Variants in MTMR7 observed in about 807,000 individuals in gnomAD.
The protein encoded by MTMR7 is myotubularin related protein 7, also known as phosphatidylinositol-3-phosphate phosphatase MTMR7.
Under a neutral mutation model 81.2 loss-of-function variants are expected in MTMR7, and 76 were observed. That is an observed-to-expected ratio of 0.94 (90% CI 0.78 to 1.13). The LOEUF is 1.13. Ranked by LOEUF, MTMR7 falls within the 50% of genes most tolerant of loss-of-function variation. MTMR7 has a pLI of 0.00. For synonymous variants in MTMR7, 372 were observed against 289.8 expected, an observed-to-expected ratio of 1.28 and a Z score of -2.88; for missense variants, 1,044 against 820.0, an observed-to-expected ratio of 1.27 and a Z score of -3.34.
chr8:17,305,644 TAGGTATGTGACTAAATG>T, intron 11 of MTMR7, 96 bp downstream of exon 11: 1 of 825,422 alleles, frequency 1.2e-6, no homozygotes, highest in Non-Finnish European at 1.9e-6. Context: ...TCTGTCAGTA[TAGGTATGTGACTAAATG>T]AAAAAAGTCT....
intron 3 of MTMR7, among the ~76,000 whole-genome samples, 184 bp downstream of exon 3, chr8:17,370,853 G>A (rs1020171801): frequency 3.3e-5 from 5 of 151,820 alleles, no homozygotes; most frequent in Non-Finnish European, 7.4e-5. Flanking sequence ...ATAACTCGGG[G>A]GAGACTCTAA....
At chr8:17,346,906 A>AG (rs1451609638) in intron 5 of MTMR7, among the ~76,000 whole-genome samples, 2 of 150,726 alleles carry the variant, frequency 1.3e-5, no homozygotes, top group African/African-American at 4.9e-5. Flanking sequence ...AAAAAAAAAA[A>AG]AAAAGAGGCA....
At chr8:17,341,882 T>C (rs1418524141) in intron 5 of MTMR7, among the ~76,000 whole-genome samples, 2 of 152,062 alleles carry the variant, frequency 1.3e-5, no homozygotes. Context: ...AATGGTGACA[T>C]TAATAAAATA....
At chr8:17,392,080 CAA>C (rs2150578253) in intron 1 of MTMR7, among the ~76,000 whole-genome samples, 1 of 152,214 alleles carries the variant, frequency 6.6e-6, no homozygotes, top group African/African-American at 2.4e-5. Flanking sequence ...ATCACACGGA[CAA>C]AGTCACGGAA....
chr8:17,391,231 T>C (rs984176370), intron 1 of MTMR7, among the ~76,000 whole-genome samples: 7 of 152,094 alleles, frequency 4.6e-5, no homozygotes, highest in South Asian at 2.1e-4. Flanking sequence ...GGGACAACGT[T>C]ATGACTTTGA....
chr8:17,339,321 G>C (rs906178523), intron 6 of MTMR7, among the ~76,000 whole-genome samples: 5 of 151,928 alleles, frequency 3.3e-5, no homozygotes, highest in African/African-American at 1.2e-4. Context: ...CGACTCAATG[G>C]TGTTTGGTAT....
intron 10 of MTMR7, among the ~76,000 whole-genome samples, chr8:17,308,175 CA>C (rs998826973): frequency 4.5e-4 from 66 of 145,362 alleles, no homozygotes; most frequent in Middle Eastern, 3.4e-3. Flanking sequence ...TACTGCAAAT[CA>C]AAAAAAAAAG....
At chr8:17,334,529 G>A (rs1461694139) in intron 6 of MTMR7, among the ~76,000 whole-genome samples, 1 of 152,198 alleles carries the variant, frequency 6.6e-6, no homozygotes, top group Non-Finnish European at 1.5e-5. Flanking sequence ...AAGTAGGACT[G>A]CAAAAATACC....
At chr8:17,330,379 T>C (rs1818934861) in intron 7 of MTMR7, among the ~76,000 whole-genome samples, 1 of 152,204 alleles carries the variant, frequency 6.6e-6, no homozygotes, top group African/African-American at 2.4e-5. Flanking sequence ...CACAAGGCCA[T>C]GGTTTCTGCA....
At chr8:17,337,740 C>A (rs1458706280) in intron 6 of MTMR7, among the ~76,000 whole-genome samples, 2 of 152,168 alleles carry the variant, frequency 1.3e-5, no homozygotes, top group African/African-American at 4.8e-5. Context: ...CTCAGCCTCC[C>A]AAATAGCTGG....
rs1364599461 is a variant in MTMR7, at chr8:17,299,361, A to G, written c.*501T>C. ...TTAAAAGCTCCTTAGGAATGCATCT[A>G]TTAACTAAAAAGGGTGCATCTCACC... is the stretch of plus-strand genomic sequence containing the variant. On this transcript the variant is annotated 3_prime_UTR_variant, in exon 14 of 14. Coordinates refer to ENST00000180173, the MANE Select transcript of MTMR7 (RefSeq NM_004686.5). The G allele has an allele frequency of 1.3e-5, 2 of 153,414 alleles. No homozygotes were observed. The highest frequency in any genetic ancestry group is 2.0e-4 in the South Asian group (1 of 4,894). 9.5% of individuals were successfully genotyped at this position (153,414 alleles called of 1,614,324 possible). A position where few individuals can be genotyped will look rare whatever the true frequency, so the allele number is the denominator to read the frequency against.
intron 5 of MTMR7, among the ~76,000 whole-genome samples, chr8:17,342,463 G>A (rs532321026): frequency 3.9e-5 from 6 of 152,276 alleles, no homozygotes; most frequent in Middle Eastern, 3.4e-3. Flanking sequence ...CCTGTTCAGC[G>A]TGCTTGTATT....
intron 11 of MTMR7, among the ~76,000 whole-genome samples, chr8:17,305,522 T>C (rs1817390293): frequency 6.6e-6 from 1 of 152,168 alleles, no homozygotes; most frequent in Admixed American, 6.5e-5. Context: ...ATCAAGTCTG[T>C]CAAGCTGTCT....
At chr8:17,404,842 T>C (rs1224947455) in intron 1 of MTMR7, among the ~76,000 whole-genome samples, 1 of 152,204 alleles carries the variant, frequency 6.6e-6, no homozygotes, top group East Asian at 1.9e-4. Context: ...TTTTGTTTTG[T>C]TGAGACGGAG....
At chr8:17,328,106 C>T (rs913388833) in intron 7 of MTMR7, among the ~76,000 whole-genome samples, 3 of 152,182 alleles carry the variant, frequency 2.0e-5, no homozygotes, top group African/African-American at 7.2e-5. Context: ...CACAAAGCTA[C>T]TCGTGGGGAG....
At chr8:17,401,671 T>C (rs7830353) in intron 1 of MTMR7, among the ~76,000 whole-genome samples, 8,089 of 152,054 alleles carry the variant, frequency 0.053, 475 homozygotes, top group East Asian at 0.33. Context: ...GTGCTGAGGA[T>C]TTACTATTGG....
intron 3 of MTMR7, among the ~76,000 whole-genome samples, chr8:17,369,757 T>C (rs911866512): frequency 5.5e-4 from 82 of 147,934 alleles, no homozygotes; most frequent in African/African-American, 1.9e-3. Flanking sequence ...GCCATCCTCC[T>C]GCCTCAGCCT....
At chr8:17,350,119 G>A (rs1364428427) in intron 4 of MTMR7, among the ~76,000 whole-genome samples, 2 of 152,188 alleles carry the variant, frequency 1.3e-5, no homozygotes, top group Non-Finnish European at 2.9e-5. Flanking sequence ...CAGTCCATCA[G>A]TCTTTTCGCA....
chr8:17,361,347 T>A, intron 3 of MTMR7, 73 bp from the exon 4 acceptor site: 1 of 1,562,852 alleles, frequency 6.4e-7, no homozygotes, highest in Admixed American at 1.7e-5. Flanking sequence ...GAAAACATTC[T>A]GTCCCACCTG....
Sources: allele counts gnomAD v4.1 joint callset (sites outside exome capture counted in the v4.1 genomes callset), GRCh38; gene constraint gnomAD v4.1.1; transcripts MANE v1.5; gene names NCBI Gene and HGNC (gene_info 2026-07-23, HGNC 2026-07-21).